Variants in CBLB observed in about 807,000 individuals in gnomAD.
The protein encoded by CBLB is Cbl proto-oncogene B, also known as E3 ubiquitin-protein ligase CBL-B.
CBLB carries 31 observed loss-of-function variants against 104.9 expected under a neutral mutation model. The observed-to-expected ratio is 0.30, with a 90% confidence interval of 0.22 to 0.40. CBLB has a LOEUF of 0.40. CBLB is among the 10% of genes least tolerant of loss of function. CBLB has a pLI of 1.00. For synonymous variants in CBLB, 440 were observed against 422.6 expected (o/e 1.04, Z -0.51); for missense variants, 1,062 against 1,214.6 (o/e 0.87, Z 1.87).
intron 9 of CBLB, among the ~76,000 whole-genome samples, chr3:105,733,529 A>G (rs1393625404): frequency 6.6e-6 from 1 of 152,196 alleles, no homozygotes; most frequent in Non-Finnish European, 1.5e-5. Flanking sequence ...TGTGGGAACT[A>G]TAAGTGTTTG....
At chr3:105,739,626 T>G (rs1034509532) in intron 7 of CBLB, among the ~76,000 whole-genome samples, 1 of 152,150 alleles carries the variant, frequency 6.6e-6, no homozygotes, top group East Asian at 1.9e-4. Context: ...GAAACTTAAC[T>G]TATTTTTAAA....
chr3:105,810,123 A>G (rs1354392687), intron 3 of CBLB, among the ~76,000 whole-genome samples: 1 of 152,186 alleles, frequency 6.6e-6, no homozygotes, highest in Non-Finnish European at 1.5e-5. Context: ...TAGGAGCTCT[A>G]CAAATTAAGT....
intron 13 of CBLB, among the ~76,000 whole-genome samples, chr3:105,692,010 A>T (rs1229516208): frequency 6.6e-6 from 1 of 152,166 alleles, no homozygotes; most frequent in Non-Finnish European, 1.5e-5. Context: ...TTCTCTAATG[A>T]TTTCATATAC....
At chr3:105,857,588 G>A (rs1253801664) in intron 2 of CBLB, among the ~76,000 whole-genome samples, 3 of 152,176 alleles carry the variant, frequency 2.0e-5, no homozygotes, top group Non-Finnish European at 4.4e-5. Context: ...TGTATCTTCT[G>A]AATCTCGGGC....
Position 105,850,830 on chromosome 3 carries a change from T to A in CBLB, c.419+2584A>T, listed in dbSNP as rs2090846440. On this transcript the variant is annotated intron_variant, in intron 3 of 18. Coordinates refer to ENST00000394030, the MANE Select transcript of CBLB (RefSeq NM_170662.5). Reference sequence around the variant, plus strand: ...CATCCGCAGATTCAATCAAACTATGTCTTTAAAACACTTGTCTCCAATACC... The same window carrying A: ...CATCCGCAGATTCAATCAAACTATGACTTTAAAACACTTGTCTCCAATACC... 2.0e-5 allele frequency among the ~76,000 whole-genome samples: 3 copies of A among 152,180 alleles called. 1 individual carries two copies. In the South Asian group the frequency reaches 6.2e-4, roughly 31 times the overall value.
At chr3:105,749,070 A>G (rs1427101387) in intron 5 of CBLB, among the ~76,000 whole-genome samples, 2 of 152,248 alleles carry the variant, frequency 1.3e-5, no homozygotes, top group Admixed American at 1.3e-4. Context: ...TAATACATTT[A>G]AGAAAATCAC....
chr3:105,780,207 G>C (rs1468629740), intron 3 of CBLB, among the ~76,000 whole-genome samples: 1 of 150,824 alleles, frequency 6.6e-6, no homozygotes, highest in Non-Finnish European at 1.5e-5. Flanking sequence ...AACAATCCAA[G>C]AATACAGTCA....
chr3:105,779,132 T>C (rs914812317), intron 3 of CBLB, among the ~76,000 whole-genome samples: 18 of 152,228 alleles, frequency 1.2e-4, no homozygotes, highest in African/African-American at 4.1e-4. Context: ...CCTTGATTCT[T>C]TGTCCTTTAA....
chr3:105,798,721 A>G (rs536251540), intron 3 of CBLB, among the ~76,000 whole-genome samples: 1 of 152,348 alleles, frequency 6.6e-6, no homozygotes, highest in African/African-American at 2.4e-5. Context: ...TTTAAAACCC[A>G]AGAGCTACTC....
At chr3:105,751,373 TGAGAGAGAGACAGAGA>T (rs2076575186) in intron 5 of CBLB, 73 bp downstream of exon 5, 2 of 864,076 alleles carry the variant, frequency 2.3e-6, no homozygotes, top group Admixed American at 3.9e-5. Flanking sequence ...TGTGTGTGTG[TGAGAGAGAGACAGAGA>T]GAGAGAGAAA....
At chr3:105,660,182 C>T (rs1316071059) in intron 18 of CBLB, among the ~76,000 whole-genome samples, 3 of 152,140 alleles carry the variant, frequency 2.0e-5, no homozygotes, top group African/African-American at 7.2e-5. Flanking sequence ...TACACACATA[C>T]ACACACTATA....
At chr3:105,719,987 G>A (rs2072531257) in intron 10 of CBLB, 60 bp downstream of exon 10, 12 of 1,227,864 alleles carry the variant, frequency 9.8e-6, no homozygotes, top group Non-Finnish European at 1.4e-5. Context: ...ATTTATGACG[G>A]CATCATTTCC....
At chr3:105,843,313 C>A (rs1458868473) in intron 3 of CBLB, among the ~76,000 whole-genome samples, 1 of 152,076 alleles carries the variant, frequency 6.6e-6, no homozygotes, top group African/African-American at 2.4e-5. Context: ...ATATTAAAGA[C>A]AAAATGAATG....
At chr3:105,868,193 T>C in intron 1 of CBLB, 4 of 1,231,586 alleles carry the variant, frequency 3.2e-6, no homozygotes, top group Non-Finnish European at 4.1e-6. Flanking sequence ...ACGCGGTGAG[T>C]CGTTATTCCC....
rs142660928 is a variant in CBLB at position 105,676,214 on chromosome 3, G to A, written c.2569+2217C>T. On this transcript the variant is annotated intron_variant, in intron 17 of 18. Coordinates refer to ENST00000394030, the MANE Select transcript of CBLB (RefSeq NM_170662.5). ...GGCAAATCTATAAAATAAATACAAC[G>A]GTTTATAAAAATTGCATTTTAGCTA... is the stretch of plus-strand genomic sequence containing the variant. 6.5e-3 allele frequency among the ~76,000 whole-genome samples: 990 copies of A among 151,530 alleles called. 12 individuals carry two copies. The highest frequency in any genetic ancestry group is 0.022 in the African/African-American group (919 of 41,324).
intron 2 of CBLB, among the ~76,000 whole-genome samples, chr3:105,864,449 G>C (rs1044778457): frequency 2.0e-5 from 3 of 152,150 alleles, no homozygotes; most frequent in African/African-American, 7.2e-5. Flanking sequence ...ATGTATTCAT[G>C]ATTAATACTT....
At chr3:105,788,580 T>C (rs1172270893) in intron 3 of CBLB, among the ~76,000 whole-genome samples, 1 of 152,216 alleles carries the variant, frequency 6.6e-6, no homozygotes, top group African/African-American at 2.4e-5. Flanking sequence ...AGTAACTAGA[T>C]GACCTCGGAC....
At chr3:105,726,893 T>G (rs1236612207) in intron 9 of CBLB, among the ~76,000 whole-genome samples, 1 of 152,366 alleles carries the variant, frequency 6.6e-6, no homozygotes, top group East Asian at 1.9e-4. Context: ...CATCCTTTTT[T>G]ATGGCTGCAT....
At chr3:105,728,456 T>C (rs1160759056) in intron 9 of CBLB, among the ~76,000 whole-genome samples, 1 of 152,192 alleles carries the variant, frequency 6.6e-6, no homozygotes. Context: ...AGCCATTTTC[T>C]AGATTCCTGA....
Sources: allele counts gnomAD v4.1 joint callset (sites outside exome capture counted in the v4.1 genomes callset), GRCh38; gene constraint gnomAD v4.1.1; transcripts MANE v1.5; gene names NCBI Gene and HGNC (gene_info 2026-07-23, HGNC 2026-07-21).